Variants in UNC13C observed in about 807,000 individuals in gnomAD.
The protein encoded by UNC13C is protein unc-13 homolog C.
Under a neutral mutation model 245.4 loss-of-function variants are expected in UNC13C, and 174 were observed. That is an observed-to-expected ratio of 0.71 (90% CI 0.63 to 0.80). The LOEUF (loss-of-function observed/expected upper bound fraction) is 0.80. UNC13C is among the 30% of genes least tolerant of loss of function. UNC13C has a pLI of 0.00. For synonymous variants in UNC13C, 992 were observed against 895.1 expected (o/e 1.11, Z -1.93); for missense variants, 2,829 against 2,602.9 (o/e 1.09, Z -1.89).
chr15:54,159,024 GGATTTT>G (rs2032867341), intron 4 of UNC13C, among the ~76,000 whole-genome samples: 2 of 152,108 alleles, frequency 1.3e-5, no homozygotes, highest in Admixed American at 6.5e-5. Context: ...GACATGGGCA[GGATTTT>G]ATTTTGCTAT....
At chr15:54,194,503 T>C (rs1328163243) in intron 4 of UNC13C, among the ~76,000 whole-genome samples, 1 of 152,182 alleles carries the variant, frequency 6.6e-6, no homozygotes, top group African/African-American at 2.4e-5. Context: ...AGTTTTAAGG[T>C]TGACACCCAA....
chr15:54,364,442 G>A (rs960307417), intron 17 of UNC13C, among the ~76,000 whole-genome samples: 18 of 152,296 alleles, frequency 1.2e-4, no homozygotes, highest in Non-Finnish European at 1.9e-4. Flanking sequence ...AATTTGAGCA[G>A]GGTCCCAAAT....
intron 19 of UNC13C, among the ~76,000 whole-genome samples, chr15:54,454,255 C>T (rs1891346425): frequency 6.6e-6 from 1 of 152,054 alleles, no homozygotes; most frequent in African/African-American, 2.4e-5. Flanking sequence ...TCATCTTCAT[C>T]CCCAAGAGAA....
At chr15:54,435,553 A>G (rs1052350315) in intron 19 of UNC13C, among the ~76,000 whole-genome samples, 5 of 151,624 alleles carry the variant, frequency 3.3e-5, no homozygotes, top group African/African-American at 1.2e-4. Flanking sequence ...CAGGGAGGAG[A>G]ACATCACACA....
intron 19 of UNC13C, among the ~76,000 whole-genome samples, chr15:54,421,209 T>C (rs2040635153): frequency 6.6e-6 from 1 of 152,012 alleles, no homozygotes; most frequent in Non-Finnish European, 1.5e-5. Context: ...GATTCTAGTA[T>C]GTATTCATAC....
rs188766534 is a variant in UNC13C, at chr15:54,322,036, A to G, written c.4366A>G (p.Thr1456Ala). ...ANINAFYAHT[T>A]VSTNIQVSAS... ...TATAAATGCTTTTTATGCTCACACA[A>G]CAGTTTCAACAAACATACAGGTTTC... Residue 1456 changes from threonine (T) to alanine (A), a missense_variant, in exon 14 of 33, where the codon ACA becomes GCA. Transcript: ENST00000260323. 1.1e-4 allele frequency: 178 copies of G among 1,591,490 alleles called. 1 individual carries two copies. The African/African-American group carries it at 2.3e-3, about 20-fold the overall frequency.
intron 2 of UNC13C, among the ~76,000 whole-genome samples, chr15:54,040,824 T>C (rs1383080801): frequency 6.6e-6 from 1 of 152,332 alleles, no homozygotes; most frequent in African/African-American, 2.4e-5. Flanking sequence ...CAGCCTGAAA[T>C]GTTCTTGCCT....
At chr15:54,192,926 A>T (rs1381646017) in intron 4 of UNC13C, among the ~76,000 whole-genome samples, 1 of 152,094 alleles carries the variant, frequency 6.6e-6, no homozygotes, top group Non-Finnish European at 1.5e-5. Flanking sequence ...ACACAAACAC[A>T]AACAATAAGA....
At chr15:54,134,258 C>T (rs12903995) in intron 2 of UNC13C, among the ~76,000 whole-genome samples, 44,900 of 133,470 alleles carry the variant, frequency 0.34, 7,117 homozygotes, top group South Asian at 0.43. Flanking sequence ...CTACTCTCCA[C>T]TTTTATGAGT....
At chr15:53,838,433 A>G in the UNC13C span, among the ~76,000 whole-genome samples, 1 of 152,020 alleles carries the variant, frequency 6.6e-6, no homozygotes, top group African/African-American at 2.4e-5. Flanking sequence ...ATTTTTATGG[A>G]TATGTTTTTA....
chr15:54,239,753 C>T (rs1284987958), intron 7 of UNC13C, among the ~76,000 whole-genome samples: 1 of 152,106 alleles, frequency 6.6e-6, no homozygotes, highest in Admixed American at 6.5e-5. Context: ...TGGCCCCCAC[C>T]TCCTTATTCT....
At chr15:54,264,447 G>A in intron 9 of UNC13C, 52 bp downstream of exon 9, 1 of 1,350,446 alleles carries the variant, frequency 7.4e-7, no homozygotes, top group Non-Finnish European at 1.0e-6. Flanking sequence ...ATTTTTATGT[G>A]CCCTAGAAAT....
chr15:54,496,083 AATG>A (rs1160469788), intron 20 of UNC13C, among the ~76,000 whole-genome samples: 1 of 152,070 alleles, frequency 6.6e-6, no homozygotes, highest in East Asian at 1.9e-4. Flanking sequence ...TCACCATAAA[AATG>A]ATAAGTATGT....
At chr15:53,891,363 T>C in the UNC13C span, among the ~76,000 whole-genome samples, 1 of 152,180 alleles carries the variant, frequency 6.6e-6, no homozygotes, top group Non-Finnish European at 1.5e-5. Flanking sequence ...GAGAGTTCTG[T>C]GCATATCTAT....
At chr15:54,006,257 A>G (rs150171716) in intron 1 of UNC13C, among the ~76,000 whole-genome samples, 6 of 152,348 alleles carry the variant, frequency 3.9e-5, no homozygotes, top group African/African-American at 1.4e-4. Flanking sequence ...GAATGAATAA[A>G]GTATGTATGT....
Position 54,014,477 on chromosome 15 carries a change from C to T in UNC13C, c.1574C>T (p.Thr525Ile). The T allele has an allele frequency of 6.2e-7, 1 of 1,613,738 alleles. No individual in the cohort carries two copies. The highest frequency in any genetic ancestry group is 1.1e-5 in the South Asian group (1 of 91,062). ...PESDILEKQT[T>I]THYADATPLW... is the part of the protein sequence containing the mutation. The stretch of plus-strand genomic sequence containing the variant: ...TCAGATATCTTGGAAAAGCAAACCA[C>T]AACCCATTATGCAGATGCAACACCT... The change falls in exon 2 of 33, where the codon ACA (threonine) becomes ATA (isoleucine). Residue 525 changes from threonine to isoleucine, a missense_variant. Transcript: ENST00000260323.
intron 19 of UNC13C, among the ~76,000 whole-genome samples, chr15:54,489,794 G>A (rs1010917888): frequency 6.6e-6 from 1 of 152,152 alleles, no homozygotes; most frequent in Non-Finnish European, 1.5e-5. Flanking sequence ...CTTATGTTTA[G>A]TATTTGCCAC....
At chr15:54,569,719 A>G (rs1897668564) in intron 30 of UNC13C, among the ~76,000 whole-genome samples, 1 of 152,122 alleles carries the variant, frequency 6.6e-6, no homozygotes, top group Non-Finnish European at 1.5e-5. Flanking sequence ...CTTAATTCTA[A>G]TAACTCACTG....
rs751446706 is a variant in UNC13C at position 54,626,947 on chromosome 15, C to A, written c.6479C>A (p.Ala2160Glu). 6.2e-7 allele frequency: 1 copy of A among 1,613,422 alleles called. No homozygotes were observed. Among genetic ancestry groups the A allele is most frequent in the Non-Finnish European group, 8.5e-7 (1 of 1,179,616 alleles). ...GMTVIQLQNIAEKGSYGAWYP... is the reference protein window; with the variant it reads ...GMTVIQLQNIEEKGSYGAWYP... Reference sequence around the variant, plus strand: ...ACAGTCATTCAGCTACAGAACATAGCAGAAAAGGGAAGCTATGGGGCATGG... The same window carrying A: ...ACAGTCATTCAGCTACAGAACATAGAAGAAAAGGGAAGCTATGGGGCATGG... Residue 2160 changes from alanine to glutamate, a missense_variant, in exon 33 of 33, where the codon GCA becomes GAA. Physicochemically the swap from Ala to Glu is moderately radical, Grantham distance 107. Coordinates refer to ENST00000260323, the MANE Select transcript of UNC13C (RefSeq NM_001080534.3).
Sources: gnomAD v4.1 joint callset for allele counts (sites outside exome capture counted in the v4.1 genomes callset) on GRCh38, gnomAD v4.1.1 for gene constraint, MANE v1.5 for transcripts, NCBI Gene and HGNC (gene_info 2026-07-23, HGNC 2026-07-21) for gene names.